MGAT4C: variants seen among roughly 807,000 people sequenced by gnomAD.
MGAT4C encodes the protein alpha-1,3-mannosyl-glycoprotein 4-beta-N-acetylglucosaminyltransferase C.
MGAT4C carries 19 observed loss-of-function variants against 40.1 expected under a neutral mutation model. The ratio of observed to expected loss-of-function variants is 0.47; its 90% confidence interval spans 0.33 to 0.70. MGAT4C has a LOEUF of 0.70. Ranked by LOEUF, MGAT4C falls within the 30% of genes least tolerant of loss-of-function variation. The pLI, the probability that MGAT4C is intolerant of heterozygous loss-of-function variation, is 0.02. For synonymous variants in MGAT4C, 181 were observed against 187.1 expected (o/e 0.97, Z 0.27); for missense variants, 491 against 563.2 (o/e 0.87, Z 1.30).
intron 1 of MGAT4C, among the ~76,000 whole-genome samples, chr12:86,763,904 C>T (rs1951450087): frequency 6.6e-6 from 1 of 152,162 alleles, no homozygotes; most frequent in South Asian, 2.1e-4. Flanking sequence ...CGAATAGGAA[C>T]AGCTCCTGTC....
intron 1 of MGAT4C, among the ~76,000 whole-genome samples, chr12:86,253,151 T>A (rs576922394): frequency 1.3e-5 from 2 of 151,948 alleles, no homozygotes; most frequent in Non-Finnish European, 2.9e-5. Context: ...CACCTTAAAA[T>A]ACATTCTACT....
intron 1 of MGAT4C, among the ~76,000 whole-genome samples, chr12:86,177,686 A>C (rs1452558470): frequency 1.3e-5 from 2 of 152,062 alleles, no homozygotes; most frequent in African/African-American, 4.8e-5. Flanking sequence ...AATAATTACT[A>C]TGCTGAAAAG....
intron 3 of MGAT4C, among the ~76,000 whole-genome samples, chr12:86,377,990 A>G (rs1955862132): frequency 6.6e-6 from 1 of 152,148 alleles, no homozygotes; most frequent in Non-Finnish European, 1.5e-5. Context: ...TTTATTTCAC[A>G]TTGCATAATC....
At chr12:86,451,382 T>G (rs1408735273) in intron 2 of MGAT4C, among the ~76,000 whole-genome samples, 1 of 152,156 alleles carries the variant, frequency 6.6e-6, no homozygotes, top group African/African-American at 2.4e-5. Context: ...CAACTAAACA[T>G]CTTTTCTTAT....
In MGAT4C at chr12:86,042,730, T is replaced by C. The variant is rs1891983729; in HGVS notation, c.-7+6944A>G. Among the ~76,000 whole-genome samples the C allele has an allele frequency of 2.0e-5, 3 of 151,818 alleles. No homozygotes were observed. The South Asian group carries it at 6.3e-4, about 32-fold the overall frequency. On this transcript the variant is annotated intron_variant, in intron 2 of 4. Transcript: ENST00000611864. ...AAAAATACAAAAAATTAGCTGGGCG[T>C]GGTGGCAGGCACCTGTAGTCCCAGC...
chr12:86,613,171 G>C (rs971575576), intron 2 of MGAT4C, among the ~76,000 whole-genome samples: 4 of 151,946 alleles, frequency 2.6e-5, no homozygotes, highest in Non-Finnish European at 5.9e-5. Context: ...TAATATATGA[G>C]GATGATTCTA....
At chr12:86,524,735 T>C (rs1470511333) in intron 2 of MGAT4C, among the ~76,000 whole-genome samples, 1 of 152,182 alleles carries the variant, frequency 6.6e-6, no homozygotes, top group Non-Finnish European at 1.5e-5. Context: ...CTTTATATAA[T>C]TCCACATTTC....
chr12:86,376,818 C>CAGAGAGAGAGAGAGAGAGAGAGAGAGAG (rs34852259), intron 3 of MGAT4C, among the ~76,000 whole-genome samples: 2 of 125,302 alleles, frequency 1.6e-5, no homozygotes, highest in African/African-American at 3.1e-5. Flanking sequence ...GAGAGAGAGA[C>CAGAGAGAGAGAGAGAGAGAGAGAGAGAG]AGAGAGAGAG....
At chr12:86,087,599 G>C (rs923155978) in intron 1 of MGAT4C, among the ~76,000 whole-genome samples, 3 of 152,058 alleles carry the variant, frequency 2.0e-5, no homozygotes, top group East Asian at 3.9e-4. Flanking sequence ...ATCAGATCTA[G>C]GAGCTTTTAG....
rs535470465 is a variant in MGAT4C at position 86,016,104 on chromosome 12, G to A, written c.-6-26552C>T. 1.1e-4 allele frequency: 17 copies of A among 152,288 alleles called. No homozygotes were observed. The East Asian group carries it at 2.1e-3, about 19-fold the overall frequency. 9.4% of individuals were successfully genotyped at this position (152,288 alleles called of 1,614,324 possible). ...AAGCATAACTTAAAAGTAATTACCC[G>A]TTTTGGTAATGGTGCCCCAAATCTT... On this transcript the variant is annotated intron_variant, in intron 2 of 4. Transcript: ENST00000611864.
At chr12:86,054,188 AC>A (rs1445217098) in intron 1 of MGAT4C, among the ~76,000 whole-genome samples, 2 of 152,206 alleles carry the variant, frequency 1.3e-5, no homozygotes, top group South Asian at 4.1e-4. Context: ...TATGGAGTCA[AC>A]CCAAGTGTCC....
At chr12:86,112,092 A>C (rs1877527450) in intron 1 of MGAT4C, among the ~76,000 whole-genome samples, 1 of 151,836 alleles carries the variant, frequency 6.6e-6, no homozygotes, top group Non-Finnish European at 1.5e-5. Context: ...ACAATAGAAA[A>C]AATGAAGACT....
intron 2 of MGAT4C, among the ~76,000 whole-genome samples, chr12:86,479,511 T>A (rs1957898421): frequency 6.6e-6 from 1 of 151,904 alleles, no homozygotes; most frequent in African/African-American, 2.4e-5. Context: ...AGATTCACAT[T>A]GAAATAGTCA....
At chr12:86,584,704 A>G (rs1960933236) in intron 2 of MGAT4C, among the ~76,000 whole-genome samples, 1 of 151,350 alleles carries the variant, frequency 6.6e-6, no homozygotes, top group Admixed American at 6.6e-5. Flanking sequence ...ATGCTGCTAA[A>G]CGAATTTCAC....
intron 2 of MGAT4C, among the ~76,000 whole-genome samples, chr12:86,571,190 A>G (rs1960350046): frequency 6.6e-6 from 1 of 152,128 alleles, no homozygotes; most frequent in Non-Finnish European, 1.5e-5. Flanking sequence ...TTTAATGCTC[A>G]TTATTTTTTA....
intron 1 of MGAT4C, among the ~76,000 whole-genome samples, chr12:86,071,279 C>T (rs1403130221): frequency 6.6e-6 from 1 of 151,878 alleles, no homozygotes; most frequent in Non-Finnish European, 1.5e-5. Context: ...GGTCATCCTG[C>T]TTGAAGGAAA....
At chr12:86,311,938 C>T (rs902369595) in intron 4 of MGAT4C, among the ~76,000 whole-genome samples, 1 of 152,046 alleles carries the variant, frequency 6.6e-6, no homozygotes, top group Non-Finnish European at 1.5e-5. Context: ...TTACAGGGAC[C>T]AAGTCATGGG....
At chr12:86,750,341 A>G (rs1027254152) in intron 1 of MGAT4C, among the ~76,000 whole-genome samples, 2 of 151,890 alleles carry the variant, frequency 1.3e-5, no homozygotes, top group East Asian at 1.9e-4. Context: ...TTTGTACTGT[A>G]TGGTGTCTTA....
At chr12:86,511,830 C>G (rs763692391) in intron 2 of MGAT4C, among the ~76,000 whole-genome samples, 17 of 152,062 alleles carry the variant, frequency 1.1e-4, no homozygotes, top group Non-Finnish European at 1.9e-4. Flanking sequence ...TGACATTGGT[C>G]TTAGCAATAG....
Sources: allele counts gnomAD v4.1 joint callset (sites outside exome capture counted in the v4.1 genomes callset), GRCh38; gene constraint gnomAD v4.1.1; transcripts MANE v1.5; gene names NCBI Gene and HGNC (gene_info 2026-07-23, HGNC 2026-07-21).